The following ZNF862 variants were observed in gnomAD, a reference collection of about 807,000 sequenced individuals.
ZNF862 encodes zinc finger protein 862.
A neutral mutation model predicts 91.1 loss-of-function variants in ZNF862; 64 were observed. The observed-to-expected ratio is 0.70, with a 90% CI of 0.57 to 0.87. The LOEUF (loss-of-function observed/expected upper bound fraction) is 0.87, where lower values mean the gene tolerates loss of function less well. Ranked by LOEUF, ZNF862 falls within the 40% of genes least tolerant of loss-of-function variation. The pLI is 0.00. For missense variants in ZNF862, 1,459 were observed against 1,528.0 expected (o/e 0.95, Z 0.75); for synonymous variants, 631 against 618.1 (o/e 1.02, Z -0.31).
chr7:149,853,022 A>T (rs1044885663), intron 5 of ZNF862, among the ~76,000 whole-genome samples: 1 of 152,220 alleles, frequency 6.6e-6, no homozygotes, highest in African/African-American at 2.4e-5. Context: ...ACATGTGATG[A>T]TGGCCTCCAA....
At chr7:149,843,269 T>C (rs1219718695) in intron 1 of ZNF862, among the ~76,000 whole-genome samples, 1 of 152,228 alleles carries the variant, frequency 6.6e-6, no homozygotes, top group Non-Finnish European at 1.5e-5. Flanking sequence ...ATTCCACCTA[T>C]TTTAAATGGC....
At chr7:149,839,404 A>T (rs1056245669) in intron 1 of ZNF862, among the ~76,000 whole-genome samples, 2 of 152,178 alleles carry the variant, frequency 1.3e-5, no homozygotes, top group Admixed American at 1.3e-4. Context: ...TTCTCTCAAC[A>T]AACGTTTTCG....
chr7:149,861,108 A>G lies in ZNF862; in HGVS notation c.1948A>G (p.Met650Val), dbSNP rs769545842. Residue 650 changes from methionine (M) to valine (V), a missense_variant, in exon 7 of 8, where the codon ATG (methionine) becomes GTG (valine). Met to Val is a conservative substitution (Grantham distance 21). Coordinates refer to ENST00000223210, the MANE Select transcript of ZNF862 (RefSeq NM_001099220.3). This position sits in a 1 kb window ranked among gnomAD's most constrained non-coding sequence, Gnocchi z 6.7. ...GATTTACATCCGCTACTTCAAGCAG[A>G]TGGAGGTGAAAGAGTCCTACATCAC... is the stretch of plus-strand genomic sequence containing the variant. Reference protein sequence around the residue: ...VGIYIRYFKQMEVKESYITLA... With the variant: ...VGIYIRYFKQVEVKESYITLA... The G allele has an allele frequency of 1.2e-6, 2 of 1,612,872 alleles. No individual in the cohort carries two copies. Among genetic ancestry groups the G allele is most frequent in the African/African-American group, 2.7e-5 (2 of 74,908 alleles).
intron 2 of ZNF862, 43 bp downstream of exon 2, chr7:149,844,779 C>G (rs376635768): frequency 5.3e-6 from 7 of 1,331,610 alleles, no homozygotes; most frequent in Middle Eastern, 1.8e-4. Context: ...CAATTTAGAT[C>G]GGCATTCCCA....
Position 149,848,352 on chromosome 7 carries a change from CA to C in ZNF862, c.864del (p.Glu289LysfsTer20). 6.2e-7 allele frequency: 1 copy of C among 1,603,674 alleles called. No homozygotes were observed. Among genetic ancestry groups the C allele is most frequent in the Non-Finnish European group, 8.5e-7 (1 of 1,175,310 alleles). ...MYLDCISDLR[Q>X]KEITDGIHSS... Reference sequence around the variant, plus strand: ...TCTAGACTGCATTTCAGATTTGAGGCAAAAAGAAATCACTGATGGCATCCAC... The same window carrying C: ...TCTAGACTGCATTTCAGATTTGAGGCAAAAGAAATCACTGATGGCATCCAC... On this transcript the variant is annotated frameshift_variant, in exon 4 of 8. Coordinates refer to ENST00000223210, the MANE Select transcript of ZNF862 (RefSeq NM_001099220.3). LOFTEE classifies it high-confidence loss of function.
chr7:149,848,534 C>T, intron 4 of ZNF862, 102 bp downstream of exon 4: 2 of 960,666 alleles, frequency 2.1e-6, no homozygotes, highest in South Asian at 4.0e-5. Flanking sequence ...CTAGTGATAA[C>T]CCACTGCTAA....
At position 149,861,449 on chromosome 7, in the gene ZNF862, G is replaced by A. The variant is rs1262917787; in HGVS notation, c.2289G>A (p.Arg763=). The A allele has an allele frequency of 6.2e-7, 1 of 1,613,478 alleles. No homozygotes were observed. The highest frequency in any genetic ancestry group is 8.5e-7 in the Non-Finnish European group (1 of 1,179,904). ...AGTTTTATCAGTCCTCAAACAAGAG[G>A]CTGAACGAGCTGCAGGAAGGTGCGG... ...VFKFYQSSNK[R]LNELQEGAAP... Residue 763 remains arginine, a synonymous_variant, in exon 7 of 8, where the codon AGG becomes AGA. Transcript: ENST00000223210. The surrounding 1 kb of genome is among the most constrained non-coding windows in gnomAD (Gnocchi z 6.7).
chr7:149,852,372 T>TGTGTGAGA (rs397724269), intron 5 of ZNF862, among the ~76,000 whole-genome samples: 1 of 143,762 alleles, frequency 7.0e-6, no homozygotes, highest in African/African-American at 2.6e-5. Context: ...TGTGTGTGTG[T>TGTGTGAGA]GAGAGAGAGA....
At chr7:149,846,703 G>T (rs1367808733) in intron 3 of ZNF862, among the ~76,000 whole-genome samples, 1 of 152,236 alleles carries the variant, frequency 6.6e-6, no homozygotes, top group Non-Finnish European at 1.5e-5. Context: ...AGCCAGGCCA[G>T]ATGACATCTT....
At chr7:149,848,580 T>C in intron 4 of ZNF862, 148 bp downstream of exon 4, 1 of 654,672 alleles carries the variant, frequency 1.5e-6, no homozygotes, top group South Asian at 2.7e-5. Context: ...ATGCTTATCA[T>C]GGACTAGGCA....
In ZNF862 at chr7:149,850,374, C is replaced by A. The variant is rs75158357; in HGVS notation, c.1117+36C>A. 30,563 of 1,579,736 alleles carry A rather than the reference C, an allele frequency of 0.019. 3,180 individuals are homozygous for A. The African/African-American group carries it at 0.29, about 15-fold the overall frequency. ...ACCGAGCCTCTTATTCACCACCCTC[C>A]TTTGACTTGGGAAGCCCACAAGGGG... On this transcript the variant is annotated intron_variant, in intron 5 of 7. Coordinates refer to ENST00000223210, the MANE Select transcript of ZNF862 (RefSeq NM_001099220.3). This position sits in a 1 kb window ranked among gnomAD's most constrained non-coding sequence, Gnocchi z 4.2.
intron 7 of ZNF862, among the ~76,000 whole-genome samples, chr7:149,862,733 G>T (rs1802563202): frequency 1.3e-5 from 2 of 152,230 alleles, no homozygotes; most frequent in East Asian, 1.9e-4. Flanking sequence ...GAGCCTGTCT[G>T]CCCTGGTGAC....
chr7:149,852,796 A>G (rs540168693), intron 5 of ZNF862: 1 of 152,384 alleles, frequency 6.6e-6, no homozygotes, highest in South Asian at 2.1e-4. Flanking sequence ...CTATGTGGGT[A>G]GCCCTTGCTT....
chr7:149,859,621 TG>T, intron 6 of ZNF862, 95 bp downstream of exon 6: 1 of 1,056,732 alleles, frequency 9.5e-7, no homozygotes, highest in Non-Finnish European at 1.4e-6. Context: ...GCTCATCTGA[TG>T]GGGGCCGATT....
At chr7:149,839,264 T>G (rs1563113877) in intron 1 of ZNF862, among the ~76,000 whole-genome samples, 1 of 152,222 alleles carries the variant, frequency 6.6e-6, no homozygotes, top group Non-Finnish European at 1.5e-5. Context: ...CCAGGCCGTG[T>G]CATCCAAGAC....
In ZNF862 at chr7:149,867,426, T is replaced by C. The variant is rs550712895; in HGVS notation, c.*3142T>C. 2 of 152,342 alleles carry C rather than the reference T, an allele frequency of 1.3e-5. No individual in the cohort carries two copies. The highest frequency in any genetic ancestry group is 1.9e-4 in the East Asian group (1 of 5,182). The allele number at this position is 152,342 out of a possible 1,614,324, so 9.4% of individuals were successfully genotyped here. A position where few individuals can be genotyped will look rare whatever the true frequency, so the allele number is the denominator to read the frequency against. On this transcript the variant is annotated 3_prime_UTR_variant, in exon 8 of 8. Coordinates refer to ENST00000223210, the MANE Select transcript of ZNF862 (RefSeq NM_001099220.3). The stretch of plus-strand genomic sequence containing the variant: ...AGATGAAAGGAGGTTTTAAAAACCA[T>C]GTTTGATTCCTAACCTTTTGCTACC...
rs1801946274 is a variant in ZNF862, at chr7:149,848,228, A to G, written c.735A>G (p.Pro245=). Residue 245 remains proline (P), a synonymous_variant, in exon 4 of 8, where the codon CCA becomes CCG. Coordinates refer to ENST00000223210, the MANE Select transcript of ZNF862 (RefSeq NM_001099220.3). ...FTADCPIFYP[P]GPLGGFDSMA... is the part of the protein sequence containing the mutation. ...CAGATTGCCCCATATTCTACCCCCC[A>G]GGGCCTCTGGGAGGATTTGATAGCA... 1 of 1,613,676 alleles carries G rather than the reference A, an allele frequency of 6.2e-7. No individual in the cohort carries two copies. The highest frequency in any genetic ancestry group is 1.3e-5 in the African/African-American group (1 of 74,910).
intron 5 of ZNF862, among the ~76,000 whole-genome samples, chr7:149,851,410 T>C (rs2128938225): frequency 6.6e-6 from 1 of 152,370 alleles, no homozygotes; most frequent in South Asian, 2.1e-4. Flanking sequence ...TATTTTGTGG[T>C]GACAGAGGTT....
At chr7:149,841,780 A>G in intron 1 of ZNF862, 1 of 976,758 alleles carries the variant, frequency 1.0e-6, no homozygotes, top group Non-Finnish European at 1.2e-6. Context: ...AGTGACTGAT[A>G]CTCCTTTCTC....
Sources: gnomAD v4.1 joint callset for allele counts (sites outside exome capture counted in the v4.1 genomes callset) on GRCh38, gnomAD v4.1.1 for gene constraint, Gnocchi (gnomAD v3.1) non-coding constraint, MANE v1.5 for transcripts, NCBI Gene and HGNC (gene_info 2026-07-23, HGNC 2026-07-21) for gene names.